The following FGD4 variants were observed in gnomAD, a reference collection of about 807,000 sequenced individuals.
FGD4 encodes FYVE, RhoGEF and PH domain containing 4.
In FGD4, 42 loss-of-function variants were observed where a neutral mutation model predicts 102.0. That is an observed-to-expected ratio of 0.41 (90% CI 0.32 to 0.53). The LOEUF is 0.53. Among genes scored for constraint, FGD4 ranks in the 20% least tolerant of loss-of-function variants. The pLI, the probability that FGD4 is intolerant of heterozygous loss-of-function variation, is 0.21. For missense variants in FGD4, 902 were observed against 1,078.2 expected (o/e 0.84, Z 2.29); for synonymous variants, 380 against 375.7 (o/e 1.01, Z -0.13).
At chr12:32,530,927 G>C (rs979289474) in intron 1 of FGD4, among the ~76,000 whole-genome samples, 1 of 118,134 alleles carries the variant, frequency 8.5e-6, no homozygotes, top group Admixed American at 9.1e-5. Context: ...ATGACAATCA[G>C]TTTCCTAGCT....
intron 1 of FGD4, chr12:32,486,215 A>G: frequency 1.4e-6 from 2 of 1,407,956 alleles, no homozygotes; most frequent in South Asian, 1.3e-5. Context: ...TCACTATGCA[A>G]AGTATACAAT....
In FGD4 at chr12:32,641,925, TA is replaced by T. The variant is rs1311228472; in HGVS notation, c.*1393del. ...CTTTTTCTCAAATTAAACCTTTTTT[TA>T]TACTGTCATACCCCAAACATTGTCA... On this transcript the variant is annotated 3_prime_UTR_variant, in exon 17 of 17. Transcript: ENST00000534526. The T allele has an allele frequency of 6.6e-6, 1 of 152,268 alleles. No homozygotes were observed. Among genetic ancestry groups the T allele is most frequent in the African/African-American group, 2.4e-5 (1 of 41,564 alleles). 9.4% of individuals were successfully genotyped at this position (152,268 alleles called of 1,614,324 possible). A position where few individuals can be genotyped will look rare whatever the true frequency, so the allele number is the denominator to read the frequency against.
At chr12:32,580,844 G>T (rs1463504943) in intron 3 of FGD4, among the ~76,000 whole-genome samples, 2 of 148,322 alleles carry the variant, frequency 1.3e-5, no homozygotes, top group South Asian at 2.1e-4. Flanking sequence ...CCAAGATTGC[G>T]CCACTGCACT....
chr12:32,511,464 T>A (rs1939362650), intron 1 of FGD4, among the ~76,000 whole-genome samples: 1 of 152,072 alleles, frequency 6.6e-6, no homozygotes, highest in Non-Finnish European at 1.5e-5. Context: ...CACGCCCAGC[T>A]AATTTTTTAT....
At chr12:32,603,447 G>T (rs1948555347) in intron 7 of FGD4, among the ~76,000 whole-genome samples, 1 of 151,852 alleles carries the variant, frequency 6.6e-6, no homozygotes, top group Admixed American at 6.6e-5. Context: ...GAGTGCAGTG[G>T]CGTGATCTAG....
intron 1 of FGD4, among the ~76,000 whole-genome samples, chr12:32,505,138 A>G (rs1380142389): frequency 2.6e-5 from 4 of 152,154 alleles, no homozygotes; most frequent in African/African-American, 9.7e-5. Flanking sequence ...TGTCATTGCT[A>G]ATGCTGCTAT....
intron 1 of FGD4, among the ~76,000 whole-genome samples, chr12:32,541,959 A>AG (rs1023324527): frequency 4.3e-4 from 58 of 133,402 alleles, no homozygotes; most frequent in African/African-American, 1.7e-3. Context: ...TTTTTTCCTC[A>AG]GGGAAAAAAA....
chr12:32,501,827 T>G (rs1289818690), intron 1 of FGD4, among the ~76,000 whole-genome samples: 1 of 152,218 alleles, frequency 6.6e-6, no homozygotes, highest in Non-Finnish European at 1.5e-5. Flanking sequence ...TGAGGTTTTA[T>G]TTTCTGTTTG....
intron 1 of FGD4, among the ~76,000 whole-genome samples, chr12:32,512,206 G>A (rs900673860): frequency 6.6e-6 from 1 of 152,012 alleles, no homozygotes; most frequent in Non-Finnish European, 1.5e-5. Flanking sequence ...CAGCACTTTC[G>A]GAGGCTGAGG....
At chr12:32,499,581 G>GT (rs1938037214) in intron 1 of FGD4, among the ~76,000 whole-genome samples, 1 of 152,142 alleles carries the variant, frequency 6.6e-6, no homozygotes, top group Non-Finnish European at 1.5e-5. Flanking sequence ...TAAAAAATAT[G>GT]TATAAGAGGA....
At chr12:32,537,690 T>C (rs1942415051) in intron 1 of FGD4, among the ~76,000 whole-genome samples, 1 of 152,190 alleles carries the variant, frequency 6.6e-6, no homozygotes, top group Non-Finnish European at 1.5e-5. Flanking sequence ...TGCTTCTACC[T>C]TAGGATTTTT....
chr12:32,498,123 T>C (rs1053850115), intron 1 of FGD4, among the ~76,000 whole-genome samples: 2 of 152,140 alleles, frequency 1.3e-5, no homozygotes, highest in African/African-American at 4.8e-5. Flanking sequence ...GGAGTTGTCG[T>C]TGGACTTTGT....
intron 1 of FGD4, among the ~76,000 whole-genome samples, chr12:32,440,050 CTA>C (rs34370652): frequency 0.39 from 59,567 of 151,848 alleles, 12,226 homozygotes; most frequent in African/African-American, 0.5. Context: ...AATTCCTTCT[CTA>C]TGTTATTTTG....
intron 1 of FGD4, among the ~76,000 whole-genome samples, chr12:32,552,088 C>T (rs1312256391): frequency 2.6e-5 from 4 of 152,210 alleles, no homozygotes; most frequent in East Asian, 1.9e-4. Flanking sequence ...CTGCGAACCT[C>T]CTCCAGCTCA....
At chr12:32,475,408 C>T (rs1943559333) in intron 1 of FGD4, among the ~76,000 whole-genome samples, 1 of 152,144 alleles carries the variant, frequency 6.6e-6, no homozygotes, top group Non-Finnish European at 1.5e-5. Context: ...ACCTTGGATG[C>T]CTTTGTATCA....
chr12:32,420,542 G>T (rs909014401), intron 1 of FGD4, among the ~76,000 whole-genome samples: 1 of 152,114 alleles, frequency 6.6e-6, no homozygotes, highest in African/African-American at 2.4e-5. Context: ...ACAGTTTTCT[G>T]CATGAAGCCT....
At chr12:32,597,196 A>G (rs1414651892) in intron 4 of FGD4, among the ~76,000 whole-genome samples, 1 of 152,228 alleles carries the variant, frequency 6.6e-6, no homozygotes, top group Admixed American at 6.5e-5. Flanking sequence ...TCCCTCATAC[A>G]GCAATACAGA....
At chr12:32,548,087 G>A (rs1943372253) in intron 1 of FGD4, among the ~76,000 whole-genome samples, 1 of 152,106 alleles carries the variant, frequency 6.6e-6, no homozygotes, top group African/African-American at 2.4e-5. Context: ...TCTCAGCATC[G>A]GTGTATCCCT....
At chr12:32,587,095 C>T (rs1301603601) in intron 4 of FGD4, among the ~76,000 whole-genome samples, 5 of 147,410 alleles carry the variant, frequency 3.4e-5, no homozygotes. Context: ...CAGGCTGAGG[C>T]AGGCGAATTG....
Sources: allele counts gnomAD v4.1 joint callset (sites outside exome capture counted in the v4.1 genomes callset), GRCh38; gene constraint gnomAD v4.1.1; transcripts MANE v1.5; gene names NCBI Gene and HGNC (gene_info 2026-07-23, HGNC 2026-07-21).